SGCZ: variants seen among roughly 807,000 people sequenced by gnomAD.
The protein encoded by SGCZ is zeta-sarcoglycan.
SGCZ carries 40 observed loss-of-function variants against 41.3 expected under a neutral mutation model. The observed-to-expected ratio is 0.97, with a 90% CI of 0.75 to 1.26. The LOEUF is 1.26. Ranked by LOEUF, SGCZ falls within the 50% of genes most tolerant of loss-of-function variation. SGCZ has a pLI of 0.00. For missense variants in SGCZ, 552 were observed against 369.8 expected, an observed-to-expected ratio of 1.49 and a Z score of -4.04; for synonymous variants, 206 against 137.5, an observed-to-expected ratio of 1.50 and a Z score of -3.49.
chr8:15,045,454 G>A (rs1355317590), intron 1 of SGCZ, among the ~76,000 whole-genome samples: 1 of 152,018 alleles, frequency 6.6e-6, no homozygotes, highest in Non-Finnish European at 1.5e-5. Flanking sequence ...GTTAAAACAT[G>A]TTTGTATACA....
chr8:14,626,521 T>C (rs1806460011), intron 1 of SGCZ, among the ~76,000 whole-genome samples: 1 of 152,174 alleles, frequency 6.6e-6, no homozygotes, highest in Non-Finnish European at 1.5e-5. Flanking sequence ...TGAACTTACT[T>C]GAAAATGGGG....
chr8:14,209,835 T>C (rs1390482747), intron 4 of SGCZ, among the ~76,000 whole-genome samples: 1 of 11,632 alleles, frequency 8.6e-5, no homozygotes, highest in Non-Finnish European at 1.2e-4. Flanking sequence ...AAATATAACC[T>C]GTATGATTAA....
chr8:14,893,042 G>T (rs1383696011), intron 1 of SGCZ, among the ~76,000 whole-genome samples: 1 of 152,170 alleles, frequency 6.6e-6, no homozygotes, highest in Non-Finnish European at 1.5e-5. Flanking sequence ...TGAATGTGTT[G>T]CCTAACTTGC....
intron 1 of SGCZ, among the ~76,000 whole-genome samples, chr8:14,889,581 T>C (rs1804934318): frequency 2.0e-5 from 3 of 152,084 alleles, no homozygotes; most frequent in South Asian, 2.1e-4. Context: ...TTCTTATCTA[T>C]AAAATGATGA....
chr8:15,033,622 C>T (rs1177223650), intron 1 of SGCZ, among the ~76,000 whole-genome samples: 6 of 152,186 alleles, frequency 3.9e-5, no homozygotes, highest in East Asian at 3.9e-4. Context: ...ACCACAGCAT[C>T]GGGACAGTTC....
intron 2 of SGCZ, among the ~76,000 whole-genome samples, chr8:14,373,311 T>C (rs183045986): frequency 6.6e-6 from 1 of 152,314 alleles, no homozygotes; most frequent in Admixed American, 6.5e-5. Context: ...ATTTTGGACA[T>C]GTTAAATCTG....
intron 2 of SGCZ, among the ~76,000 whole-genome samples, chr8:14,528,827 C>A (rs1183480707): frequency 7.6e-4 from 40 of 52,664 alleles, no homozygotes; most frequent in Non-Finnish European, 9.0e-4. Flanking sequence ...ACGGACCAGC[C>A]AAAAAAAAAA....
At chr8:14,631,824 T>G (rs1389069423) in intron 1 of SGCZ, among the ~76,000 whole-genome samples, 2 of 152,106 alleles carry the variant, frequency 1.3e-5, no homozygotes, top group Non-Finnish European at 2.9e-5. Context: ...GAGAGGCCTT[T>G]AATACATATG....
intron 2 of SGCZ, among the ~76,000 whole-genome samples, chr8:14,373,868 C>G (rs949860007): frequency 6.6e-6 from 1 of 152,006 alleles, no homozygotes; most frequent in African/African-American, 2.4e-5. Flanking sequence ...GAGAAATAGC[C>G]ACACCTGGAC....
At chr8:14,971,918 A>C in intron 1 of SGCZ, among the ~76,000 whole-genome samples, 1 of 152,026 alleles carries the variant, frequency 6.6e-6, no homozygotes, top group African/African-American at 2.4e-5. Context: ...ATGATTTTAT[A>C]TACTTTTGCA....
chr8:14,343,163 A>G (rs766567364), intron 2 of SGCZ, among the ~76,000 whole-genome samples: 11 of 152,248 alleles, frequency 7.2e-5, no homozygotes, highest in Non-Finnish European at 1.6e-4. Flanking sequence ...AAACACTTGG[A>G]TGCCCAGGCA....
intron 2 of SGCZ, among the ~76,000 whole-genome samples, chr8:14,413,731 T>A (rs1486114961): frequency 6.6e-6 from 1 of 152,032 alleles, no homozygotes; most frequent in Non-Finnish European, 1.5e-5. Flanking sequence ...TCTTTGTCTA[T>A]GCTTGCTTGT....
intron 3 of SGCZ, among the ~76,000 whole-genome samples, chr8:14,281,664 A>G (rs1233358282): frequency 1.3e-5 from 2 of 152,120 alleles, no homozygotes; most frequent in African/African-American, 2.4e-5. Flanking sequence ...TAATACAAAT[A>G]TACATCAAAA....
intron 1 of SGCZ, among the ~76,000 whole-genome samples, chr8:14,974,530 T>G (rs1585427381): frequency 6.6e-6 from 1 of 152,170 alleles, no homozygotes; most frequent in African/African-American, 2.4e-5. Flanking sequence ...TTAGAATTAA[T>G]CAGAGGTCTC....
chr8:14,441,431 T>C (rs1800261226), intron 2 of SGCZ, among the ~76,000 whole-genome samples: 1 of 152,010 alleles, frequency 6.6e-6, no homozygotes, highest in Admixed American at 6.6e-5. Context: ...AAAAATTAGT[T>C]GGGCGTGGTG....
intron 1 of SGCZ, among the ~76,000 whole-genome samples, chr8:14,772,557 T>A (rs1800276862): frequency 6.8e-6 from 1 of 147,942 alleles, no homozygotes; most frequent in Non-Finnish European, 1.5e-5. Flanking sequence ...TAGGTATATC[T>A]CCTAATGCTC....
chr8:14,095,092 GAT>G (rs1801802368), intron 7 of SGCZ, among the ~76,000 whole-genome samples: 1 of 152,060 alleles, frequency 6.6e-6, no homozygotes, highest in African/African-American at 2.4e-5. Context: ...TCACTCTGAT[GAT>G]AGTTTCTTTT....
intron 4 of SGCZ, among the ~76,000 whole-genome samples, chr8:14,234,275 G>C (rs375251782): frequency 1.3e-5 from 2 of 152,092 alleles, no homozygotes; most frequent in East Asian, 3.9e-4. Flanking sequence ...GTCAGGATTA[G>C]AATTAGTACA....
At chr8:14,738,421 A>C (rs762824347) in intron 1 of SGCZ, among the ~76,000 whole-genome samples, 21 of 152,216 alleles carry the variant, frequency 1.4e-4, no homozygotes, top group Non-Finnish European at 7.4e-5. Flanking sequence ...TAAATGATAT[A>C]AGCCGCTAGC....
Sources: gnomAD v4.1 joint callset for allele counts (sites outside exome capture counted in the v4.1 genomes callset) on GRCh38, gnomAD v4.1.1 for gene constraint, MANE v1.5 for transcripts, NCBI Gene and HGNC (gene_info 2026-07-23, HGNC 2026-07-21) for gene names.